TRIOBP: variants seen among roughly 807,000 people sequenced by gnomAD.
TRIOBP encodes TRIO and F-actin-binding protein.
In TRIOBP, 169 loss-of-function variants were observed where a neutral mutation model predicts 238.8. That is an observed-to-expected ratio of 0.71 (90% CI 0.62 to 0.80). The LOEUF (loss-of-function observed/expected upper bound fraction) is 0.80. TRIOBP is among the 30% of genes least tolerant of loss of function. TRIOBP has a pLI of 0.00. For missense variants in TRIOBP, 2,838 were observed against 3,122.6 expected, an observed-to-expected ratio of 0.91 and a Z score of 2.17; for synonymous variants, 1,150 against 1,274.4, an observed-to-expected ratio of 0.90 and a Z score of 2.08.
rs190059596 is a variant in TRIOBP at position 37,754,685 on chromosome 22, G to A, written c.5380-192G>A. ...CTCCAAGAAGGAAAGGGAGGGTGTG[G>A]TTACGGAGGGGAAACCAATCCATTT... On this transcript the variant is annotated intron_variant, in intron 12 of 23. Coordinates refer to ENST00000644935, the MANE Select transcript of TRIOBP (RefSeq NM_001039141.3). Among the ~76,000 whole-genome samples the A allele has an allele frequency of 5.7e-3, 871 of 152,272 alleles. 6 individuals are homozygous for A. Among genetic ancestry groups the A allele is most frequent in the African/African-American group, 0.02 (818 of 41,556 alleles).
intron 11 of TRIOBP, among the ~76,000 whole-genome samples, chr22:37,741,637 C>T (rs537542179): frequency 6.6e-6 from 1 of 152,336 alleles, no homozygotes; most frequent in Non-Finnish European, 1.5e-5. Context: ...CTCTTACTCA[C>T]CGCTGTTGGC....
At position 37,755,570 on chromosome 22, in the gene TRIOBP, C is replaced by T. The variant is rs1925875590; in HGVS notation, c.5598C>T (p.Thr1866=). ...TGCAGACCAAGGATGCTGTCTATAC[C>T]TTGTCGGCCATGACCTCAGGCATCC... ...FQIHTKDAVY[T]LSAMTSGIRR... is the part of the protein sequence containing the mutation. Residue 1866 remains threonine (T), a synonymous_variant, in exon 15 of 24, where the codon ACC becomes ACT. Transcript: ENST00000644935. 1.3e-5 allele frequency: 21 copies of T among 1,614,016 alleles called. No homozygotes were observed. The highest frequency in any genetic ancestry group is 1.6e-4 in the Middle Eastern group (1 of 6,062).
In TRIOBP at chr22:37,710,218, T is replaced by G. The variant is rs4821690; in HGVS notation, c.115-209T>G. On this transcript the variant is annotated intron_variant, in intron 3 of 23. Transcript: ENST00000644935. ...TGCTCCAAGGCCCATATGTGTACAC[T>G]CACGTGTGCAGGCACACACCAGGTA... Among the ~76,000 whole-genome samples, 122,404 of 152,270 alleles carry G rather than the reference T, an allele frequency of 0.8. 51,496 individuals carry two copies. Among genetic ancestry groups the G allele is most frequent in the East Asian group, 1 (5,162 of 5,170 alleles).
At chr22:37,712,855 G>T (rs1440552475) in intron 4 of TRIOBP, among the ~76,000 whole-genome samples, 1 of 151,788 alleles carries the variant, frequency 6.6e-6, no homozygotes, top group Non-Finnish European at 1.5e-5. Flanking sequence ...TACTGGGGAG[G>T]CTGAGGCAGG....
chr22:37,746,440 G>T (rs762639963), intron 11 of TRIOBP: 132 of 1,420,248 alleles, frequency 9.3e-5, no homozygotes, highest in Non-Finnish European at 1.2e-4. Context: ...CCAGTCAGCC[G>T]CCCGCGCCCG....
intron 2 of TRIOBP, 76 bp from the exon 3 acceptor site, chr22:37,701,230 T>A: frequency 1.4e-6 from 1 of 702,890 alleles, no homozygotes; most frequent in Admixed American, 2.1e-5. Flanking sequence ...GTCTGGAAAC[T>A]GGGGCAACTG....
At chr22:37,738,124 G>T (rs924945060) in intron 9 of TRIOBP, among the ~76,000 whole-genome samples, 10 of 152,238 alleles carry the variant, frequency 6.6e-5, no homozygotes, top group Non-Finnish European at 1.2e-4. Context: ...GGGTGAATGT[G>T]TGAATGGATG....
chr22:37,751,504 CT>C (rs1925603671), intron 11 of TRIOBP: 1 of 539,252 alleles, frequency 1.9e-6, no homozygotes, highest in African/African-American at 1.9e-5. Context: ...AGAGAGGCCC[CT>C]GGGACATCTG....
chr22:37,718,847 T>G (rs1923675964), intron 6 of TRIOBP, among the ~76,000 whole-genome samples: 1 of 144,182 alleles, frequency 6.9e-6, no homozygotes, highest in Non-Finnish European at 1.5e-5. Context: ...GGGCTTGTTT[T>G]TTTTTTTTTT....
intron 4 of TRIOBP, 50 bp downstream of exon 4, chr22:37,710,616 T>A (rs1923188253): frequency 6.3e-7 from 1 of 1,579,630 alleles, no homozygotes; most frequent in African/African-American, 1.3e-5. Context: ...TGGAATGCCC[T>A]CACCCTTCCC....
chr22:37,735,052 G>T lies in TRIOBP; in HGVS notation c.4716G>T (p.Gly1572=), dbSNP rs1422166710. ...GCCTTCTCCGGGCACCAGGAGAGGG[G>T]GTCTGGGCCCGTGTCCCCAGCCTGG... is the stretch of plus-strand genomic sequence containing the variant. ...LLGLLRAPGE[G]VWARVPSLDW... is the part of the protein sequence containing the mutation. Residue 1572 remains glycine (G), a synonymous_variant, in exon 9 of 24, where the codon GGG becomes GGT. Coordinates refer to ENST00000644935, the MANE Select transcript of TRIOBP (RefSeq NM_001039141.3). 4.4e-6 allele frequency: 7 copies of T among 1,607,458 alleles called. No individual in the cohort carries two copies. The highest frequency in any genetic ancestry group is 6.0e-6 in the Non-Finnish European group (7 of 1,175,664).
rs746911371 is a variant in TRIOBP, at chr22:37,725,854, T to C, written c.3298T>C (p.Ser1100Pro). 13 of 1,594,290 alleles carry C rather than the reference T, an allele frequency of 8.2e-6. No homozygotes were observed. Among genetic ancestry groups the C allele is most frequent in the Non-Finnish European group, 1.1e-5 (13 of 1,174,214 alleles). Residue 1100 changes from serine to proline, a missense_variant, in exon 7 of 24, where the codon TCC (serine) becomes CCC (proline). Coordinates refer to ENST00000644935, the MANE Select transcript of TRIOBP (RefSeq NM_001039141.3). The stretch of plus-strand genomic sequence containing the variant: ...ATCAGATGCCGAGCATCAGTGTCAG[T>C]CCCCCCAACACGAGCCCCTTCAGCT... ...DTSDAEHQCQ[S>P]PQHEPLQLPA...
At chr22:37,765,870 G>A in intron 18 of TRIOBP, 53 bp downstream of exon 18, 2 of 1,545,840 alleles carry the variant, frequency 1.3e-6, no homozygotes, top group Non-Finnish European at 8.7e-7. Context: ...TCTGTGCTGA[G>A]GTTCCTCCTA....
At chr22:37,721,024 A>ATTTTTT (rs11312598) in intron 6 of TRIOBP, among the ~76,000 whole-genome samples, 1 of 133,336 alleles carries the variant, frequency 7.5e-6, no homozygotes. Context: ...CATCCGGCTA[A>ATTTTTT]TTTTTTTTTT....
At chr22:37,767,908 G>A (rs1045739780) in intron 18 of TRIOBP, among the ~76,000 whole-genome samples, 166 bp from the exon 19 acceptor site, 6 of 152,018 alleles carry the variant, frequency 3.9e-5, no homozygotes, top group African/African-American at 7.3e-5. Flanking sequence ...CTCCTGGTTC[G>A]GTGCTCTTTG....
At chr22:37,739,657 G>A (rs527748291) in intron 10 of TRIOBP, among the ~76,000 whole-genome samples, 2 of 152,290 alleles carry the variant, frequency 1.3e-5, no homozygotes, top group South Asian at 2.1e-4. Context: ...GATTTCTTGC[G>A]TGGCTTCGAA....
At chr22:37,771,492 T>G (rs1302712840) in intron 21 of TRIOBP, 158 bp from the exon 22 acceptor site, 1 of 660,794 alleles carries the variant, frequency 1.5e-6, no homozygotes, top group East Asian at 2.8e-5. Context: ...CGGAGAGGGC[T>G]TCCTGGAGGA....
chr22:37,763,794 A>G (rs1043535989), intron 17 of TRIOBP, among the ~76,000 whole-genome samples: 2 of 152,094 alleles, frequency 1.3e-5, no homozygotes, highest in African/African-American at 2.4e-5. Context: ...TACCTAAATA[A>G]TGCACATGTA....
intron 11 of TRIOBP, chr22:37,746,084 C>T (rs912013256): frequency 1.2e-5 from 8 of 681,492 alleles, no homozygotes; most frequent in Non-Finnish European, 1.1e-5. Flanking sequence ...CGCCCTAGCG[C>T]GCCCGTCCCG....
Sources: gnomAD v4.1 joint callset for allele counts (sites outside exome capture counted in the v4.1 genomes callset) on GRCh38, gnomAD v4.1.1 for gene constraint, MANE v1.5 for transcripts, NCBI Gene and HGNC (gene_info 2026-07-23, HGNC 2026-07-21) for gene names.